SLC24A3: variants seen among roughly 807,000 people sequenced by gnomAD.
SLC24A3 encodes the protein solute carrier family 24 member 3, also known as sodium/potassium/calcium exchanger 3.
A neutral mutation model predicts 75.8 loss-of-function variants in SLC24A3; 28 were observed. The ratio of observed to expected loss-of-function variants is 0.37; its 90% CI spans 0.27 to 0.51. The LOEUF (loss-of-function observed/expected upper bound fraction) is 0.51. Ranked by LOEUF, SLC24A3 falls within the 20% of genes least tolerant of loss-of-function variation. The pLI is 0.94. For missense variants in SLC24A3, 663 were observed against 847.8 expected, an observed-to-expected ratio of 0.78 and a Z score of 2.71; for synonymous variants, 372 against 334.1, an observed-to-expected ratio of 1.11 and a Z score of -1.24.
At chr20:19,498,526 G>A (rs117480602) in intron 2 of SLC24A3, among the ~76,000 whole-genome samples, 2 of 149,894 alleles carry the variant, frequency 1.3e-5, no homozygotes, top group African/African-American at 4.9e-5. Context: ...AGCCTGATTT[G>A]CCCTATGCAG....
chr20:19,442,115 A>T (rs906321030), intron 2 of SLC24A3, among the ~76,000 whole-genome samples: 7 of 152,228 alleles, frequency 4.6e-5, no homozygotes, highest in African/African-American at 1.7e-4. Flanking sequence ...ACTGAAGAAC[A>T]TCTTGGTTTC....
At chr20:19,701,654 A>C (rs1472904647) in intron 15 of SLC24A3, among the ~76,000 whole-genome samples, 3 of 152,204 alleles carry the variant, frequency 2.0e-5, no homozygotes, top group African/African-American at 7.2e-5. Context: ...CAGGGGTCTG[A>C]TGAACCCGTT....
chr20:19,421,996 G>A (rs547020533), intron 2 of SLC24A3, among the ~76,000 whole-genome samples: 28 of 152,226 alleles, frequency 1.8e-4, no homozygotes, highest in African/African-American at 5.3e-4. Context: ...TGAGGAACAC[G>A]CCTCAGCCTC....
chr20:19,590,945 G>C (rs2031366707), intron 6 of SLC24A3, among the ~76,000 whole-genome samples: 1 of 152,192 alleles, frequency 6.6e-6, no homozygotes. Context: ...AAGGTAGACA[G>C]TCCTGCTGAG....
intron 3 of SLC24A3, among the ~76,000 whole-genome samples, chr20:19,535,415 G>A (rs989374804): frequency 1.3e-5 from 2 of 152,178 alleles, no homozygotes; most frequent in East Asian, 1.9e-4. Flanking sequence ...TGAGTCACAT[G>A]CTCTGTCATC....
chr20:19,316,193 A>G (rs766194747), intron 2 of SLC24A3, among the ~76,000 whole-genome samples: 2 of 152,222 alleles, frequency 1.3e-5, no homozygotes, highest in Non-Finnish European at 2.9e-5. Flanking sequence ...CTACCGTCAC[A>G]AAGTGGAGAA....
At chr20:19,591,916 A>G (rs2031383883) in intron 6 of SLC24A3, among the ~76,000 whole-genome samples, 1 of 152,240 alleles carries the variant, frequency 6.6e-6, no homozygotes, top group Admixed American at 6.5e-5. Flanking sequence ...AAAACTGCAC[A>G]CAGATGCACT....
At chr20:19,247,595 A>C (rs6106047) in intron 1 of SLC24A3, among the ~76,000 whole-genome samples, 25,545 of 152,182 alleles carry the variant, frequency 0.17, 3,742 homozygotes, top group East Asian at 0.81. Context: ...TCCCGCGTAG[A>C]TGATGGAGCA....
chr20:19,560,391 G>A (rs1377449500), intron 3 of SLC24A3, among the ~76,000 whole-genome samples: 3 of 152,328 alleles, frequency 2.0e-5, no homozygotes, highest in South Asian at 2.1e-4. Flanking sequence ...CACTTTCAGG[G>A]TGCTCCGCAC....
intron 2 of SLC24A3, among the ~76,000 whole-genome samples, chr20:19,411,214 C>T (rs759116936): frequency 6.6e-6 from 1 of 152,146 alleles, no homozygotes; most frequent in Non-Finnish European, 1.5e-5. Context: ...CTCCCATTAC[C>T]CCTTCCTTAG....
At chr20:19,452,419 T>TGTGTGTGC (rs1987501988) in intron 2 of SLC24A3, among the ~76,000 whole-genome samples, 1 of 139,408 alleles carries the variant, frequency 7.2e-6, no homozygotes, top group African/African-American at 3.1e-5. Context: ...TGTGTGTGTG[T>TGTGTGTGC]GTGTGTTGGG....
At chr20:19,362,786 GAAT>G (rs1238776712) in intron 2 of SLC24A3, among the ~76,000 whole-genome samples, 2 of 152,120 alleles carry the variant, frequency 1.3e-5, no homozygotes, top group Non-Finnish European at 2.9e-5. Context: ...CACACAAACA[GAAT>G]AAGGGGTACA....
chr20:19,653,814 C>T (rs549628101), intron 6 of SLC24A3, among the ~76,000 whole-genome samples: 13 of 152,344 alleles, frequency 8.5e-5, no homozygotes, highest in African/African-American at 1.9e-4. Flanking sequence ...CCAGCTCCCC[C>T]GATGCCCCAT....
At chr20:19,222,797 C>CTTCCTTCCTTCCTTCCTTCCTTCCTTCG (rs1981759504) in intron 1 of SLC24A3, among the ~76,000 whole-genome samples, 8 of 141,374 alleles carry the variant, frequency 5.7e-5, no homozygotes, top group Non-Finnish European at 1.1e-4. Context: ...TCCTTCCTTC[C>CTTCCTTCCTTCCTTCCTTCCTTCCTTCG]TTCCTTCCTT....
intron 2 of SLC24A3, among the ~76,000 whole-genome samples, chr20:19,490,861 A>G (rs1350813496): frequency 6.6e-6 from 1 of 152,178 alleles, no homozygotes; most frequent in African/African-American, 2.4e-5. Flanking sequence ...TAGCCCTTGC[A>G]TGGAATGAAT....
At chr20:19,286,538 G>GA (rs1271661973) in intron 2 of SLC24A3, among the ~76,000 whole-genome samples, 2 of 152,058 alleles carry the variant, frequency 1.3e-5, no homozygotes, top group Non-Finnish European at 2.9e-5. Flanking sequence ...TCTTTTACAT[G>GA]AAAAAAACAA....
intron 6 of SLC24A3, among the ~76,000 whole-genome samples, chr20:19,650,506 G>T (rs1435710018): frequency 6.6e-6 from 1 of 152,146 alleles, no homozygotes; most frequent in Non-Finnish European, 1.5e-5. Flanking sequence ...CTTTCCATTA[G>T]TTTGCCTGTT....
At chr20:19,315,786 A>C (rs1192352229) in intron 2 of SLC24A3, among the ~76,000 whole-genome samples, 1 of 152,126 alleles carries the variant, frequency 6.6e-6, no homozygotes, top group Non-Finnish European at 1.5e-5. Flanking sequence ...ACTCGTGTAC[A>C]TAAACGTAGG....
At chr20:19,634,538 G>A (rs1018857222) in intron 6 of SLC24A3, among the ~76,000 whole-genome samples, 3 of 151,982 alleles carry the variant, frequency 2.0e-5, no homozygotes, top group African/African-American at 4.8e-5. Context: ...TATCAATAGG[G>A]AAATCAATGA....
Sources: gnomAD v4.1 joint callset for allele counts (sites outside exome capture counted in the v4.1 genomes callset) on GRCh38, gnomAD v4.1.1 for gene constraint, MANE v1.5 for transcripts, NCBI Gene and HGNC (gene_info 2026-07-23, HGNC 2026-07-21) for gene names.